FAM177A1: variants seen among roughly 807,000 people sequenced by gnomAD.
FAM177A1 encodes the protein protein FAM177A1.
A neutral mutation model predicts 26.1 loss-of-function variants in FAM177A1; 22 were observed. That is an observed-to-expected ratio of 0.84 (90% CI 0.60 to 1.20). The LOEUF (loss-of-function observed/expected upper bound fraction) is 1.20. Among genes scored for constraint, FAM177A1 ranks in the 50% most tolerant of loss-of-function variants. FAM177A1 has a pLI of 0.00. For synonymous variants in FAM177A1, 95 were observed against 99.3 expected, an observed-to-expected ratio of 0.96 and a Z score of 0.26; for missense variants, 296 against 291.1, an observed-to-expected ratio of 1.02 and a Z score of -0.12.
intron 2 of FAM177A1, among the ~76,000 whole-genome samples, chr14:35,070,425 A>C (rs769738143): frequency 7.9e-5 from 12 of 151,740 alleles, no homozygotes; most frequent in Non-Finnish European, 1.6e-4. Flanking sequence ...AGCCTCCCGG[A>C]TTCAAGCAAT....
intron 2 of FAM177A1, among the ~76,000 whole-genome samples, chr14:35,062,592 G>A (rs988543555): frequency 6.6e-6 from 1 of 152,088 alleles, no homozygotes. Flanking sequence ...CCTACCTGTA[G>A]TTGTTTTTAA....
At position 35,046,699 on chromosome 14, in the gene FAM177A1, T is replaced by C. The variant is rs142982614; in HGVS notation, c.165+71T>C. On this transcript the variant is annotated intron_variant, in intron 1 of 4. Coordinates refer to ENST00000280987, the MANE Select transcript of FAM177A1 (RefSeq NM_173607.5). ...CCTTGCCTTCTCCGCGGGCCGCTCT[T>C]TTAGCCTGCGCGGCCGTCCTCCGAG... 4.3e-3 allele frequency: 6,288 copies of C among 1,468,730 alleles called. 254 individuals are homozygous for C. In the African/African-American group the frequency reaches 0.082, roughly 19 times the overall value. The allele number at this position is 1,468,730 out of a possible 1,614,324, so 91.0% of individuals were successfully genotyped here.
At chr14:35,069,241 T>A (rs1390611395) in intron 2 of FAM177A1, among the ~76,000 whole-genome samples, 1 of 151,858 alleles carries the variant, frequency 6.6e-6, no homozygotes, top group Admixed American at 6.6e-5. Context: ...TTGGGTTTCC[T>A]GCCATAGACC....
chr14:35,062,968 TC>T (rs2045182408), intron 2 of FAM177A1, among the ~76,000 whole-genome samples: 3 of 149,162 alleles, frequency 2.0e-5, no homozygotes, highest in Non-Finnish European at 4.5e-5. Context: ...TCTCTATAGT[TC>T]CTATTTAGTA....
intron 2 of FAM177A1, among the ~76,000 whole-genome samples, chr14:35,057,173 C>T (rs1030424714): frequency 1.3e-5 from 2 of 152,154 alleles, no homozygotes; most frequent in Admixed American, 6.5e-5. Context: ...TGGGCATTTA[C>T]GAATACAAGT....
intron 3 of FAM177A1, among the ~76,000 whole-genome samples, chr14:35,078,036 G>C (rs921346546): frequency 1.3e-5 from 2 of 152,052 alleles, no homozygotes; most frequent in Admixed American, 1.3e-4. Flanking sequence ...GCTTTCTTCT[G>C]CTTCCATTTT....
intron 2 of FAM177A1, among the ~76,000 whole-genome samples, chr14:35,065,377 T>G (rs1258886553): frequency 2.1e-5 from 3 of 145,134 alleles, no homozygotes; most frequent in African/African-American, 4.9e-5. Context: ...TTTTTTTTTT[T>G]GCTAGACAAC....
chr14:35,073,829 C>T (rs2045357570), intron 2 of FAM177A1, among the ~76,000 whole-genome samples: 1 of 152,132 alleles, frequency 6.6e-6, no homozygotes, highest in South Asian at 2.1e-4. Flanking sequence ...CTGGTGCTTG[C>T]CTCTCTTCCT....
intron 2 of FAM177A1, among the ~76,000 whole-genome samples, chr14:35,075,762 A>G (rs2045384828): frequency 6.6e-6 from 1 of 152,232 alleles, no homozygotes; most frequent in African/African-American, 2.4e-5. Flanking sequence ...AGAAAAAATC[A>G]AACAACCCCA....
chr14:35,053,246 A>G, intron 1 of FAM177A1, 32 bp from the exon 2 acceptor site: 2 of 1,573,402 alleles, frequency 1.3e-6, no homozygotes, highest in Non-Finnish European at 1.7e-6. Context: ...ATCTCACTTG[A>G]AACTCATTTT....
chr14:35,070,174 A>G (rs897049439), intron 2 of FAM177A1, among the ~76,000 whole-genome samples: 4 of 140,264 alleles, frequency 2.9e-5, no homozygotes, highest in Non-Finnish European at 6.1e-5. Flanking sequence ...AGATCTTTTT[A>G]TAATCTTATA....
intron 2 of FAM177A1, among the ~76,000 whole-genome samples, chr14:35,076,399 A>G (rs1479682772): frequency 6.6e-6 from 1 of 151,838 alleles, no homozygotes; most frequent in African/African-American, 2.4e-5. Context: ...CAATGAGAAC[A>G]CTTGGACACA....
chr14:35,045,124 G>A (rs1237809424), upstream of FAM177A1: 1 of 152,078 alleles, frequency 6.6e-6, no homozygotes, highest in Non-Finnish European at 1.5e-5. Context: ...TTCAATTTAT[G>A]GCCGAGTTTG....
chr14:35,052,631 A>G (rs975214559), intron 1 of FAM177A1, among the ~76,000 whole-genome samples: 7 of 152,086 alleles, frequency 4.6e-5, no homozygotes, highest in African/African-American at 7.2e-5. Context: ...TAAAATTTGT[A>G]TTAGAATTCC....
rs893162957 is a variant in FAM177A1 at position 35,082,244 on chromosome 14, G to A, written c.*1016G>A. ...ATATTCCTAAATATGGCCAGGTACG[G>A]TGCTCACACCTGTAATCCCAGCACT... On this transcript the variant is annotated 3_prime_UTR_variant, in exon 5 of 5. Coordinates refer to ENST00000280987, the MANE Select transcript of FAM177A1 (RefSeq NM_173607.5). The A allele has an allele frequency of 1.3e-5, 2 of 152,036 alleles. No individual in the cohort carries two copies. The highest frequency in any genetic ancestry group is 2.4e-5 in the African/African-American group (1 of 41,396). The allele number at this position is 152,036 out of a possible 1,614,324, so 9.4% of individuals were successfully genotyped here.
chr14:35,074,325 T>C (rs188317317), intron 2 of FAM177A1, among the ~76,000 whole-genome samples: 2 of 151,998 alleles, frequency 1.3e-5, no homozygotes, highest in East Asian at 3.9e-4. Flanking sequence ...TTTGTATTTT[T>C]ATTTATTTTA....
chr14:35,070,183 T>C (rs914821520), intron 2 of FAM177A1, among the ~76,000 whole-genome samples: 2 of 145,100 alleles, frequency 1.4e-5, no homozygotes, highest in Non-Finnish European at 3.0e-5. Flanking sequence ...TATAATCTTA[T>C]AGTAACTCAC....
At chr14:35,067,875 G>GT (rs1240224268) in intron 2 of FAM177A1, among the ~76,000 whole-genome samples, 1 of 152,036 alleles carries the variant, frequency 6.6e-6, no homozygotes, top group Non-Finnish European at 1.5e-5. Flanking sequence ...TAATTAGGTT[G>GT]TTTTTTTGCT....
chr14:35,053,225 A>G (rs1228477048), intron 1 of FAM177A1, 53 bp from the exon 2 acceptor site: 9 of 1,518,704 alleles, frequency 5.9e-6, no homozygotes, highest in Non-Finnish European at 8.0e-6. Context: ...ACGTGTAATG[A>G]AAGAAAATTA....
Sources: gnomAD v4.1 joint callset for allele counts (sites outside exome capture counted in the v4.1 genomes callset) on GRCh38, gnomAD v4.1.1 for gene constraint, MANE v1.5 for transcripts, NCBI Gene and HGNC (gene_info 2026-07-23, HGNC 2026-07-21) for gene names.